ADRM1: variants seen among roughly 807,000 people sequenced by gnomAD.
ADRM1 encodes the protein ADRM1 26S proteasome ubiquitin receptor.
ADRM1 carries 2 observed loss-of-function variants against 40.1 expected under a neutral mutation model. The observed-to-expected ratio is 0.05, with a 90% CI of 0.02 to 0.16. The LOEUF (loss-of-function observed/expected upper bound fraction) is 0.16, where lower values mean the gene tolerates loss of function less well. Ranked by LOEUF, ADRM1 falls within the 10% of genes least tolerant of loss-of-function variation. The probability of loss-of-function intolerance (pLI) is 1.00; values close to 1 mark genes in which losing one functional copy is unlikely to be tolerated. For synonymous variants in ADRM1, 287 were observed against 240.4 expected, an observed-to-expected ratio of 1.19 and a Z score of -1.79; for missense variants, 467 against 552.5, an observed-to-expected ratio of 0.85 and a Z score of 1.55.
At chr20:62,308,581 C>T in intron 9 of ADRM1, 74 bp from the exon 10 acceptor site, 2 of 1,583,652 alleles carry the variant, frequency 1.3e-6, no homozygotes, top group Non-Finnish European at 1.7e-6. Flanking sequence ...GCCCTTCTGC[C>T]CTTGATCCCA....
In ADRM1 at chr20:62,303,030, C is replaced by T. The variant is rs1203443011; in HGVS notation, c.-21C>T. 2.0e-5 allele frequency: 3 copies of T among 151,974 alleles called. No homozygotes were observed. The East Asian group carries it at 5.8e-4, about 29-fold the overall frequency. The allele number at this position is 151,974 out of a possible 1,614,324, so 9.4% of individuals were successfully genotyped here. A position where few individuals can be genotyped will look rare whatever the true frequency, so the allele number is the denominator to read the frequency against. ...GCGAGCCCGGACGGCGCCTCTCGAA[C>T]GAGTGTGGGCGCGAGGCAGGTGCGG... On this transcript the variant is annotated 5_prime_UTR_variant, in exon 1 of 10. It adds an upstream start codon to the 5' untranslated region. Coordinates refer to ENST00000253003, the MANE Select transcript of ADRM1 (RefSeq NM_007002.4).
chr20:62,306,040 C>A (rs1984899262), intron 3 of ADRM1, 157 bp from the exon 4 acceptor site: 1 of 989,016 alleles, frequency 1.0e-6, no homozygotes, highest in African/African-American at 1.6e-5. Context: ...GTCCCCTCAC[C>A]TGCTGGGCCG....
In ADRM1 at chr20:62,308,350, G is replaced by A. The variant is rs1210253189; in HGVS notation, c.1015-18G>A. ...CAGCCCGGGTTGGAGCTCAGCCCTC[G>A]CCTGGCTCTTCTTGCAGGCCCTGGG... On this transcript the variant is annotated intron_variant, in intron 8 of 9. Coordinates refer to ENST00000253003, the MANE Select transcript of ADRM1 (RefSeq NM_007002.4). 1.3e-5 allele frequency: 21 copies of A among 1,584,708 alleles called. No individual in the cohort carries two copies. The highest frequency in any genetic ancestry group is 1.0e-4 in the South Asian group (9 of 87,340).
In ADRM1 at chr20:62,307,582, C is replaced by T. The variant is rs774396785; in HGVS notation, c.624-14C>T. The T allele has an allele frequency of 1.2e-6, 2 of 1,608,132 alleles. No homozygotes were observed. The highest frequency in any genetic ancestry group is 1.7e-6 in the Non-Finnish European group (2 of 1,178,708). The stretch of plus-strand genomic sequence containing the variant: ...GGGGCGTGTCCGCTCCAGCGGTGCC[C>T]TCTCTCTTCGCAGCTCCCGGAGCCA... On this transcript the variant is annotated splice_polypyrimidine_tract_variant and intron_variant, in intron 6 of 9. Transcript: ENST00000253003.
chr20:62,307,961 T>C, intron 7 of ADRM1, 60 bp from the exon 8 acceptor site: 1 of 1,574,490 alleles, frequency 6.4e-7, no homozygotes, highest in Non-Finnish European at 8.6e-7. Context: ...CCTGCTTGCA[T>C]GCCTTCCATG....
Position 62,303,724 on chromosome 20 carries a change from G to A in ADRM1, c.156G>A (p.Thr52=). The A allele has an allele frequency of 1.2e-6, 2 of 1,612,446 alleles. No homozygotes were observed. Among genetic ancestry groups the A allele is most frequent in the East Asian group, 2.2e-5 (1 of 44,884 alleles). The change falls in exon 2 of 10, where the codon ACG becomes ACA. Residue 52 remains threonine, a synonymous_variant. Coordinates refer to ENST00000253003, the MANE Select transcript of ADRM1 (RefSeq NM_007002.4). ...KRKGLVYIQQ[T]DDSLIHFCWK... is the part of the protein sequence containing the mutation. ...AAGGGCTGGTGTACATTCAGCAGAC[G>A]GACGACTCGCTTATTCACTTCTGCT...
chr20:62,306,244 G>A lies in ADRM1; in HGVS notation c.378G>A (p.Glu126=). The change falls in exon 4 of 10, where the codon GAG becomes GAA. Residue 126 remains glutamate (E), a synonymous_variant. Transcript: ENST00000253003. ...QDEEHCRKVN[E]YLNNPPMPGA... is the part of the protein sequence containing the mutation. ...AGGAGCATTGCCGGAAAGTCAACGAGTATCTGAACAACCCCCCGATGCCTG... is the reference window on the plus strand; with the variant it reads ...AGGAGCATTGCCGGAAAGTCAACGAATATCTGAACAACCCCCCGATGCCTG... 1 of 1,613,342 alleles carries A rather than the reference G, an allele frequency of 6.2e-7. No homozygotes were observed. Among genetic ancestry groups the A allele is most frequent in the South Asian group, 1.1e-5 (1 of 91,088 alleles).
At chr20:62,304,313 T>C (rs906273299) in intron 2 of ADRM1, 148 bp from the exon 3 acceptor site, 1 of 640,790 alleles carries the variant, frequency 1.6e-6, no homozygotes, top group South Asian at 1.8e-5. Flanking sequence ...TTCTCTGCCT[T>C]GTGGAGACCC....
intron 8 of ADRM1, 37 bp from the exon 9 acceptor site, chr20:62,308,331 G>A (rs369269114): frequency 1.8e-5 from 28 of 1,566,874 alleles, no homozygotes; most frequent in East Asian, 2.3e-5. Context: ...GGTGCAGCCC[G>A]GGTTGGAGCT....
rs199629793 is a variant in ADRM1 at position 62,308,075 on chromosome 20, C to T, written c.911C>T (p.Ala304Val). ...ATAATGGCTCCCATCCTCGCCAACGCGGATGTCCAGGAGCGCCTGCTTCCC... is the reference window on the plus strand; with the variant it reads ...ATAATGGCTCCCATCCTCGCCAACGTGGATGTCCAGGAGCGCCTGCTTCCC... ...PEIMAPILAN[A>V]DVQERLLPYL... Residue 304 changes from alanine (A) to valine (V), a missense_variant, in exon 8 of 10, where the codon GCG becomes GTG. Physicochemically the swap from Ala to Val is moderately conservative, Grantham distance 64. This residue lies in a region of ADRM1 where 418 missense variants were observed against 474.6 expected (regional missense o/e 0.88). Transcript: ENST00000253003. 15 of 1,611,582 alleles carry T rather than the reference C, an allele frequency of 9.3e-6. No homozygotes were observed. The highest frequency in any genetic ancestry group is 2.2e-5 in the East Asian group (1 of 44,888).
In ADRM1 at chr20:62,308,150, A is replaced by G. The variant is rs769143088; in HGVS notation, c.986A>G (p.Asn329Ser). Residue 329 changes from asparagine (N) to serine (S), a missense_variant, in exon 8 of 10, where the codon AAT (asparagine) becomes AGT (serine). Around this residue, in one of 3 missense-constraint regions of ADRM1, gnomAD observed 418 missense variants for 474.6 expected, o/e 0.88. Coordinates refer to ENST00000253003, the MANE Select transcript of ADRM1 (RefSeq NM_007002.4). ...CCGCAGACCGCGGATGAGATCCAGAATACCCTGACCTCGCCCCAGTTCCAG... is the reference window on the plus strand; with the variant it reads ...CCGCAGACCGCGGATGAGATCCAGAGTACCCTGACCTCGCCCCAGTTCCAG... ...SLPQTADEIQ[N>S]TLTSPQFQQA... is the part of the protein sequence containing the mutation. The G allele has an allele frequency of 1.9e-6, 3 of 1,607,528 alleles. No homozygotes were observed. The highest frequency in any genetic ancestry group is 2.2e-5 in the South Asian group (2 of 90,982).
rs918829895 is a variant in ADRM1, at chr20:62,306,193, G to T, written c.331-4G>T. ...CCTGCCCTTACATGCCCTTCCTCTT[G>T]CAGGAACCCAAGACAGACCAGGATG... is the stretch of plus-strand genomic sequence containing the variant. On this transcript the variant is annotated splice_polypyrimidine_tract_variant and splice_region_variant and intron_variant, in intron 3 of 9. Transcript: ENST00000253003. 5.6e-6 allele frequency: 9 copies of T among 1,607,122 alleles called. No individual in the cohort carries two copies. The African/African-American group carries it at 1.1e-4, about 19-fold the overall frequency.
chr20:62,303,475 G>A, intron 1 of ADRM1, 93 bp from the exon 2 acceptor site: 2 of 1,300,960 alleles, frequency 1.5e-6, no homozygotes, highest in Non-Finnish European at 2.1e-6. Flanking sequence ...CTGGGCGCAG[G>A]CCCCCTGCTC....
intron 5 of ADRM1, among the ~76,000 whole-genome samples, 171 bp from the exon 6 acceptor site, chr20:62,307,200 C>T (rs542818829): frequency 3.9e-4 from 60 of 152,344 alleles, no homozygotes; most frequent in South Asian, 8.3e-4. Context: ...AGAACACAGC[C>T]GCAAGTGTCC....
At chr20:62,307,350 G>T (rs780210308) in intron 5 of ADRM1, 21 bp from the exon 6 acceptor site, 1 of 1,594,442 alleles carries the variant, frequency 6.3e-7, no homozygotes, top group Non-Finnish European at 8.5e-7. Flanking sequence ...TCCTGAGCTC[G>T]CATTTCCTTG....
At chr20:62,308,222 G>C in intron 8 of ADRM1, 44 bp downstream of exon 8, 1 of 1,571,212 alleles carries the variant, frequency 6.4e-7, no homozygotes, top group Non-Finnish European at 8.6e-7. Flanking sequence ...TGCTCAGGGA[G>C]TGGGCAGGGG....
chr20:62,306,016 G>A, intron 3 of ADRM1, 181 bp from the exon 4 acceptor site: 4 of 706,028 alleles, frequency 5.7e-6, no homozygotes, highest in Non-Finnish European at 9.2e-6. Context: ...TCGTGCTCAG[G>A]AGGCGCCACT....
rs1298027871 is a variant in ADRM1 at position 62,308,487 on chromosome 20, G to C, written c.1117+17G>C. 3 of 1,585,128 alleles carry C rather than the reference G, an allele frequency of 1.9e-6. No individual in the cohort carries two copies. In the African/African-American group the frequency reaches 4.0e-5, roughly 21 times the overall value. Reference sequence around the variant, plus strand: ...ACAAGGGCGGTAAGTGGCTGCGCCTGCACCTCCAGGCCAGAGCCAGGGGCA... The same window carrying C: ...ACAAGGGCGGTAAGTGGCTGCGCCTCCACCTCCAGGCCAGAGCCAGGGGCA... On this transcript the variant is annotated intron_variant, in intron 9 of 9. Transcript: ENST00000253003.
chr20:62,306,503 A>T, intron 4 of ADRM1, 145 bp from the exon 5 acceptor site: 1 of 1,283,674 alleles, frequency 7.8e-7, no homozygotes, highest in Non-Finnish European at 1.1e-6. Context: ...ACGGGTCTGC[A>T]TCCCACCGTC....
Sources: allele counts gnomAD v4.1 joint callset (sites outside exome capture counted in the v4.1 genomes callset), GRCh38; gene constraint gnomAD v4.1.1; regional missense constraint gnomAD v4.1.1; transcripts MANE v1.5; gene names NCBI Gene and HGNC (gene_info 2026-07-23, HGNC 2026-07-21).